GALNTL6: variants seen among roughly 807,000 people sequenced by gnomAD.
GALNTL6 encodes the protein polypeptide N-acetylgalactosaminyltransferase-like 6.
In GALNTL6, 46 loss-of-function variants were observed where a neutral mutation model predicts 73.7. That is an observed-to-expected ratio of 0.62 (90% CI 0.49 to 0.80). The LOEUF (loss-of-function observed/expected upper bound fraction) is 0.80, where lower values mean the gene tolerates loss of function less well. Among genes scored for constraint, GALNTL6 ranks in the 30% least tolerant of loss-of-function variants. The probability of loss-of-function intolerance (pLI) is 0.00; values close to 1 mark genes in which losing one functional copy is unlikely to be tolerated. For synonymous variants in GALNTL6, 259 were observed against 263.7 expected, an observed-to-expected ratio of 0.98 and a Z score of 0.17; for missense variants, 604 against 755.0, an observed-to-expected ratio of 0.80 and a Z score of 2.34.
At chr4:172,406,701 A>G (rs1744249414) in intron 5 of GALNTL6, among the ~76,000 whole-genome samples, 1 of 152,018 alleles carries the variant, frequency 6.6e-6, no homozygotes, top group Non-Finnish European at 1.5e-5. Context: ...TTCTGAGTTT[A>G]CTAGGCTAAA....
At chr4:172,870,144 T>C (rs1217593597) in intron 7 of GALNTL6, among the ~76,000 whole-genome samples, 1 of 152,080 alleles carries the variant, frequency 6.6e-6, no homozygotes, top group Non-Finnish European at 1.5e-5. Context: ...CTATTTTCCC[T>C]GGGAACCACA....
chr4:172,718,820 TAAC>T (rs1735273329), intron 5 of GALNTL6, among the ~76,000 whole-genome samples: 1 of 152,104 alleles, frequency 6.6e-6, no homozygotes, highest in African/African-American at 2.4e-5. Context: ...TTTTAAAAAA[TAAC>T]AGCAATAGAC....
intron 7 of GALNTL6, among the ~76,000 whole-genome samples, chr4:172,823,781 AT>A (rs1276262605): frequency 6.6e-6 from 1 of 152,246 alleles, no homozygotes; most frequent in East Asian, 1.9e-4. Flanking sequence ...AATAGAAGGC[AT>A]TCCTGAAGTC....
Position 172,635,356 on chromosome 4 carries a change from G to A in GALNTL6, c.554-174005G>A, listed in dbSNP as rs149153405. The stretch of plus-strand genomic sequence containing the variant: ...TGAACTGTCTCAGGTTAAATTTCTG[G>A]AACTTTATGGTAACTTGAAGGAATT... On this transcript the variant is annotated intron_variant, in intron 5 of 12. Transcript: ENST00000506823. 5.7e-3 allele frequency among the ~76,000 whole-genome samples: 872 copies of A among 152,004 alleles called. 5 individuals carry two copies. Among genetic ancestry groups the A allele is most frequent in the African/African-American group, 0.02 (836 of 41,470 alleles).
rs371373699 is a variant in GALNTL6, at chr4:172,139,951, C to CAT, written c.139-89698_139-89697dup. Among the ~76,000 whole-genome samples the CAT allele has an allele frequency of 1.0e-3, 154 of 152,004 alleles. 1 individual carries two copies. The highest frequency in any genetic ancestry group is 3.6e-3 in the African/African-American group (149 of 41,494). On this transcript the variant is annotated intron_variant, in intron 2 of 12. Coordinates refer to ENST00000506823, the MANE Select transcript of GALNTL6 (RefSeq NM_001034845.3). ...TTCTTAAAATGTGTATATTGTACTC[C>CAT]ATATATATTAGGTGTTCAACAAGTA...
chr4:172,023,738 A>T (rs71607864), intron 2 of GALNTL6, among the ~76,000 whole-genome samples: 3,558 of 152,012 alleles, frequency 0.023, 144 homozygotes, highest in African/African-American at 0.082. Context: ...ATTTTTAAAT[A>T]TAGCTTTGGT....
chr4:171,903,425 G>T (rs988290882), intron 2 of GALNTL6, among the ~76,000 whole-genome samples: 1 of 152,074 alleles, frequency 6.6e-6, no homozygotes. Flanking sequence ...CAAATACTGC[G>T]CTTTGCCGAA....
At chr4:172,345,448 G>C (rs1741707877) in intron 4 of GALNTL6, among the ~76,000 whole-genome samples, 1 of 152,152 alleles carries the variant, frequency 6.6e-6, no homozygotes, top group South Asian at 2.1e-4. Context: ...TAGAGCACCA[G>C]TAATAATTCA....
chr4:172,948,508 A>G (rs896531414), intron 9 of GALNTL6, among the ~76,000 whole-genome samples: 5 of 151,350 alleles, frequency 3.3e-5, no homozygotes, highest in Non-Finnish European at 4.4e-5. Flanking sequence ...GCTGGAGTGC[A>G]GTGGTGTGAT....
chr4:172,615,571 G>C (rs923384804), intron 5 of GALNTL6, among the ~76,000 whole-genome samples: 2 of 152,072 alleles, frequency 1.3e-5, no homozygotes, highest in Non-Finnish European at 2.9e-5. Flanking sequence ...TCTCCTCAAA[G>C]TGAAAGCAAT....
At chr4:172,262,179 T>G (rs1738279037) in intron 3 of GALNTL6, among the ~76,000 whole-genome samples, 1 of 151,406 alleles carries the variant, frequency 6.6e-6, no homozygotes, top group African/African-American at 2.4e-5. Context: ...TTAAATCCAG[T>G]GTGTCTTCAT....
Position 172,348,639 on chromosome 4 carries a change from C to G in GALNTL6, c.503C>G (p.Pro168Arg). 1 of 1,611,776 alleles carries G rather than the reference C, an allele frequency of 6.2e-7. No homozygotes were observed. Among genetic ancestry groups the G allele is most frequent in the Non-Finnish European group, 8.5e-7 (1 of 1,178,680 alleles). Residue 168 changes from proline to arginine, a missense_variant, in exon 5 of 13, where the codon CCA becomes CGA. Pro to Arg is a moderately radical substitution (Grantham distance 103). Transcript: ENST00000506823. ...ATACACAGTATAATTAACCGAACCC[C>G]AGGGAGTCTGATAGCAGAAATCATT... ...RTIHSIINRT[P>R]GSLIAEIILV...
intron 5 of GALNTL6, among the ~76,000 whole-genome samples, chr4:172,370,746 A>G (rs1742776153): frequency 1.3e-5 from 2 of 151,608 alleles, no homozygotes; most frequent in African/African-American, 4.9e-5. Context: ...TAAAAACAAC[A>G]CTCTTCCCCT....
At chr4:172,807,626 G>C (rs894689766) in intron 5 of GALNTL6, among the ~76,000 whole-genome samples, 2 of 152,142 alleles carry the variant, frequency 1.3e-5, no homozygotes, top group Non-Finnish European at 2.9e-5. Context: ...TCAGGAGTCT[G>C]CATGACCTAC....
At chr4:172,893,093 C>G (rs553209959) in intron 8 of GALNTL6, among the ~76,000 whole-genome samples, 2 of 152,304 alleles carry the variant, frequency 1.3e-5, no homozygotes, top group African/African-American at 4.8e-5. Flanking sequence ...CTCACACTTA[C>G]CCAACCCAGT....
chr4:172,441,985 A>T (rs1434539143), intron 5 of GALNTL6, among the ~76,000 whole-genome samples: 1 of 152,174 alleles, frequency 6.6e-6, no homozygotes. Flanking sequence ...CATCAGGGAA[A>T]TGATAGACCC....
At chr4:172,403,196 T>C (rs1320120499) in intron 5 of GALNTL6, among the ~76,000 whole-genome samples, 1 of 152,046 alleles carries the variant, frequency 6.6e-6, no homozygotes, top group African/African-American at 2.4e-5. Flanking sequence ...AAATGAACTT[T>C]CAAACTTCCT....
intron 2 of GALNTL6, among the ~76,000 whole-genome samples, chr4:171,934,843 C>A (rs145854894): frequency 3.0e-4 from 46 of 152,242 alleles, no homozygotes; most frequent in African/African-American, 1.1e-3. Flanking sequence ...TAACCAATTT[C>A]TCTTTAAATC....
chr4:171,824,074 ATT>A (rs890744768), intron 2 of GALNTL6, among the ~76,000 whole-genome samples: 3 of 54,946 alleles, frequency 5.5e-5, no homozygotes, highest in African/African-American at 1.8e-4. Context: ...ACACAAATCC[ATT>A]TTATATATAT....
Sources: gnomAD v4.1 joint callset for allele counts (sites outside exome capture counted in the v4.1 genomes callset) on GRCh38, gnomAD v4.1.1 for gene constraint, MANE v1.5 for transcripts, NCBI Gene and HGNC (gene_info 2026-07-23, HGNC 2026-07-21) for gene names.